NUP205: variants seen among roughly 807,000 people sequenced by gnomAD.
NUP205 encodes the protein nuclear pore complex protein Nup205.
In NUP205, 76 loss-of-function variants were observed where a neutral mutation model predicts 253.8. The ratio of observed to expected loss-of-function variants is 0.30; its 90% confidence interval spans 0.25 to 0.36. The LOEUF (loss-of-function observed/expected upper bound fraction) is 0.36. Ranked by LOEUF, NUP205 falls within the 10% of genes least tolerant of loss-of-function variation. The pLI is 1.00. For synonymous variants in NUP205, 832 were observed against 850.1 expected, an observed-to-expected ratio of 0.98 and a Z score of 0.37; for missense variants, 2,162 against 2,425.5, an observed-to-expected ratio of 0.89 and a Z score of 2.28.
rs369657745 is a variant in NUP205, at chr7:135,604,239, G to A, written c.2703-101G>A. The A allele has an allele frequency of 4.9e-5, 46 of 940,660 alleles. No homozygotes were observed. The East Asian group carries it at 6.1e-4, about 12-fold the overall frequency. 58.3% of individuals were successfully genotyped at this position (940,660 alleles called of 1,614,324 possible). ...TTTTTCTTATTTACCTTGAAGTGCT[G>A]TATGGGCAGGGGAAGCCCTGGTTCT... On this transcript the variant is annotated intron_variant, in intron 18 of 42. Transcript: ENST00000285968.
intron 20 of NUP205, 103 bp downstream of exon 20, chr7:135,606,329 A>G (rs1794085729): frequency 1.3e-6 from 1 of 774,584 alleles, no homozygotes; most frequent in Non-Finnish European, 2.1e-6. Context: ...TGATGGTGTA[A>G]GAGGAATTGA....
intron 1 of NUP205, among the ~76,000 whole-genome samples, chr7:135,565,354 C>T (rs1230805148): frequency 6.6e-6 from 1 of 152,050 alleles, no homozygotes; most frequent in African/African-American, 2.4e-5. Context: ...CATTTGATGA[C>T]CAATTCTGAG....
At position 135,619,464 on chromosome 7, in the gene NUP205, C is replaced by T. The variant is rs756027118; in HGVS notation, c.4005C>T (p.Val1335=). The change falls in exon 29 of 43, where the codon GTC becomes GTT. Residue 1335 remains valine, a synonymous_variant. Coordinates refer to ENST00000285968, the MANE Select transcript of NUP205 (RefSeq NM_015135.3). ...CTGCGCAAGAGTTAATGCCTGTGGT[C>T]GCCGGGGCAGTGTTCACACTGACTG... is the stretch of plus-strand genomic sequence containing the variant. ...DEAAQELMPV[V]AGAVFTLTAH... The T allele has an allele frequency of 1.3e-5, 21 of 1,613,276 alleles. No homozygotes were observed. Among genetic ancestry groups the T allele is most frequent in the East Asian group, 2.2e-5 (1 of 44,894 alleles).
intron 19 of NUP205, among the ~76,000 whole-genome samples, chr7:135,605,457 ACTAT>A (rs1424837393): frequency 2.0e-5 from 3 of 152,210 alleles, no homozygotes; most frequent in Non-Finnish European, 4.4e-5. Flanking sequence ...CCTAGATACC[ACTAT>A]CTGTCAGTAG....
intron 1 of NUP205, among the ~76,000 whole-genome samples, chr7:135,568,639 T>C (rs990890794): frequency 2.0e-5 from 3 of 152,138 alleles, no homozygotes; most frequent in Non-Finnish European, 4.4e-5. Context: ...TTTTAGTATT[T>C]TATATAATAC....
chr7:135,587,710 A>G lies in NUP205; in HGVS notation c.1335+19A>G, dbSNP rs1478378918. ...GCTTTTGGTAAGCCATTATATTAGA[A>G]AGCTTGTCCTCTTTCCCTCCTTTCA... is the stretch of plus-strand genomic sequence containing the variant. On this transcript the variant is annotated intron_variant, in intron 9 of 42. Transcript: ENST00000285968. The G allele has an allele frequency of 2.6e-6, 4 of 1,554,750 alleles. No homozygotes were observed. The highest frequency in any genetic ancestry group is 1.7e-6 in the Non-Finnish European group (2 of 1,143,544).
chr7:135,601,345 T>C (rs751091974), intron 16 of NUP205, 25 bp from the exon 17 acceptor site: 2 of 1,597,664 alleles, frequency 1.3e-6, no homozygotes, highest in Non-Finnish European at 1.7e-6. Flanking sequence ...CCATCATCTC[T>C]TGGAATATGT....
chr7:135,643,175 GT>G lies in NUP205; in HGVS notation c.5393-16del. 1 of 1,606,390 alleles carries G rather than the reference GT, an allele frequency of 6.2e-7. No homozygotes were observed. Among genetic ancestry groups the G allele is most frequent in the Non-Finnish European group, 8.5e-7 (1 of 1,175,660 alleles). On this transcript the variant is annotated splice_polypyrimidine_tract_variant and intron_variant, in intron 38 of 42. Transcript: ENST00000285968. ...GCTTATAAGTGGAACATTGTTTTAT[GT>G]CATCACCTCTATTAGATACCCAAGC...
chr7:135,607,405 A>G (rs1394293392), intron 22 of NUP205, 34 bp downstream of exon 22: 2 of 1,605,396 alleles, frequency 1.2e-6, no homozygotes, highest in Non-Finnish European at 1.7e-6. Context: ...GGTACTGAAT[A>G]GAAGAAACTT....
intron 22 of NUP205, among the ~76,000 whole-genome samples, chr7:135,609,026 C>T (rs1794159703): frequency 6.6e-6 from 1 of 150,512 alleles, no homozygotes. Context: ...ATTGCTTCTA[C>T]CCGGGAGGCA....
intron 33 of NUP205, among the ~76,000 whole-genome samples, chr7:135,627,011 G>T (rs543879601): frequency 6.6e-6 from 1 of 152,206 alleles, no homozygotes; most frequent in East Asian, 1.9e-4. Context: ...TTTACCTCCA[G>T]GGAAAAACAT....
intron 31 of NUP205, 30 bp downstream of exon 31, chr7:135,622,955 T>A: frequency 6.2e-7 from 1 of 1,605,316 alleles, no homozygotes; most frequent in African/African-American, 1.3e-5. Context: ...GTATTATAAT[T>A]GAATAAGTAT....
chr7:135,602,403 T>C (rs1359206781), intron 17 of NUP205, among the ~76,000 whole-genome samples: 4 of 152,238 alleles, frequency 2.6e-5, no homozygotes, highest in African/African-American at 7.2e-5. Context: ...TCCTGTGTAT[T>C]GTAAGCTGGA....
At chr7:135,633,390 C>T (rs545503551) in intron 35 of NUP205, among the ~76,000 whole-genome samples, 2 of 152,260 alleles carry the variant, frequency 1.3e-5, no homozygotes, top group African/African-American at 4.8e-5. Context: ...GCTGAGAATA[C>T]AGCACACACC....
chr7:135,570,600 A>T (rs1270414071), intron 1 of NUP205, among the ~76,000 whole-genome samples: 1 of 145,078 alleles, frequency 6.9e-6, no homozygotes, highest in Non-Finnish European at 1.5e-5. Context: ...ATGCTTTTAT[A>T]TTAGTGTCTC....
chr7:135,622,971 C>CT lies in NUP205; in HGVS notation c.4479+48dup, dbSNP rs755052995. The CT allele has an allele frequency of 4.4e-6, 7 of 1,589,290 alleles. No homozygotes were observed. The Admixed American group carries it at 8.5e-5, about 19-fold the overall frequency. On this transcript the variant is annotated intron_variant, in intron 31 of 42. Coordinates refer to ENST00000285968, the MANE Select transcript of NUP205 (RefSeq NM_015135.3). ...TATTATAATTGAATAAGTATTTTGACTTATTAAGGTATAAACTGATTCACG... is the reference window on the plus strand; with the variant it reads ...TATTATAATTGAATAAGTATTTTGACTTTATTAAGGTATAAACTGATTCACG...
Position 135,602,899 on chromosome 7 carries a change from G to C in NUP205, c.2607G>C (p.Glu869Asp). The C allele has an allele frequency of 6.2e-7, 1 of 1,613,788 alleles. No homozygotes were observed. Among genetic ancestry groups the C allele is most frequent in the Non-Finnish European group, 8.5e-7 (1 of 1,179,736 alleles). The change falls in exon 18 of 43, where the codon GAG becomes GAC. Residue 869 changes from glutamate to aspartate, a missense_variant. Physicochemically the swap from Glu to Asp is conservative, Grantham distance 45. Around this residue, in one of 5 missense-constraint regions of NUP205, gnomAD observed 892 missense variants for 957.1 expected, o/e 0.93. Transcript: ENST00000285968. ...KENLFMDLLR[E>D]SQLALIVCPL... ...ATCTTTTTATGGACCTTCTAAGAGA[G>C]AGTCAACTGGCTCTAATAGTCTGTC...
At chr7:135,642,466 G>C (rs1794931759) in intron 38 of NUP205, among the ~76,000 whole-genome samples, 1 of 151,976 alleles carries the variant, frequency 6.6e-6, no homozygotes, top group Non-Finnish European at 1.5e-5. Flanking sequence ...ACAGGTGTGA[G>C]CCACCGTGCC....
chr7:135,617,564 G>T, intron 26 of NUP205, 38 bp from the exon 27 acceptor site: 1 of 1,510,516 alleles, frequency 6.6e-7, no homozygotes, highest in South Asian at 1.1e-5. Flanking sequence ...ACCAGTGTCT[G>T]AAATGTCTTA....
Sources: allele counts gnomAD v4.1 joint callset (sites outside exome capture counted in the v4.1 genomes callset), GRCh38; gene constraint gnomAD v4.1.1; regional missense constraint gnomAD v4.1.1; transcripts MANE v1.5; gene names NCBI Gene and HGNC (gene_info 2026-07-23, HGNC 2026-07-21).